The following TULP4 variants were observed in gnomAD, a reference collection of about 807,000 sequenced individuals.
TULP4 encodes the protein TUB like protein 4, also known as tubby-related protein 4.
Under a neutral mutation model 129.0 loss-of-function variants are expected in TULP4, and 16 were observed. The ratio of observed to expected loss-of-function variants is 0.12; its 90% CI spans 0.08 to 0.19. The LOEUF is 0.19. Among genes scored for constraint, TULP4 ranks in the 10% least tolerant of loss-of-function variants. The pLI is 1.00. For missense variants in TULP4, 1,842 were observed against 2,059.1 expected (o/e 0.89, Z 2.04); for synonymous variants, 998 against 854.0 (o/e 1.17, Z -2.94).
At chr6:158,457,516 G>T (rs1562574545) in intron 5 of TULP4, among the ~76,000 whole-genome samples, 4 of 152,134 alleles carry the variant, frequency 2.6e-5, no homozygotes, top group Admixed American at 2.6e-4. Flanking sequence ...CACGCAATAA[G>T]CAGGGAATTG....
chr6:158,506,547 T>C (rs1780608396), intron 13 of TULP4, 31 bp from the exon 14 acceptor site: 5 of 1,461,676 alleles, frequency 3.4e-6, no homozygotes, highest in Non-Finnish European at 4.8e-6. Context: ...CCTTATTCTT[T>C]AATGTCTTTG....
In TULP4 at chr6:158,276,856, G is replaced by C. The variant is rs576452377; in HGVS notation, n.69-35195G>C. ...ACCAAGGTATTATGGAAATAGAGAAGGCCTAACTTATTAGAACCCACATGT... is the reference window on the plus strand; with the variant it reads ...ACCAAGGTATTATGGAAATAGAGAACGCCTAACTTATTAGAACCCACATGT... On this transcript the variant is annotated intron_variant and non_coding_transcript_variant, in intron 1 of 1. Coordinates refer to the TULP4 transcript ENST00000620026. Among the ~76,000 whole-genome samples, 18 of 152,144 alleles carry C rather than the reference G, an allele frequency of 1.2e-4. No homozygotes were observed. In the East Asian group the frequency reaches 3.5e-3, roughly 29 times the overall value.
intron 1 of TULP4, among the ~76,000 whole-genome samples, chr6:158,358,513 A>G (rs553487130): frequency 1.4e-4 from 22 of 152,350 alleles, no homozygotes; most frequent in African/African-American, 4.1e-4. Flanking sequence ...AGGGTGAAGT[A>G]TTTCTCAGTG....
chr6:158,481,859 G>T (rs367877279), intron 8 of TULP4, among the ~76,000 whole-genome samples: 4 of 152,178 alleles, frequency 2.6e-5, no homozygotes, highest in African/African-American at 9.7e-5. Flanking sequence ...ATGTATTCAA[G>T]ATGCTCCCTG....
intron 1 of TULP4, among the ~76,000 whole-genome samples, chr6:158,238,964 T>C (rs1325527754): frequency 9.1e-4 from 129 of 141,044 alleles, no homozygotes; most frequent in African/African-American, 3.3e-3. Context: ...GACGGGGTGG[T>C]GGCCGGGCAG....
chr6:158,487,438 C>G lies in TULP4; in HGVS notation c.1487-2150C>G, dbSNP rs531598274. On this transcript the variant is annotated intron_variant, in intron 8 of 13. Transcript: ENST00000367097. ...CCAGCCTAGGCGACAGAGCGAGACT[C>G]CATCTCCCAAAAAAACCCACAAAGC... Among the ~76,000 whole-genome samples the G allele has an allele frequency of 2.0e-5, 3 of 152,246 alleles. No homozygotes were observed. In the South Asian group the frequency reaches 6.2e-4, roughly 32 times the overall value.
intron 1 of TULP4, among the ~76,000 whole-genome samples, chr6:158,302,611 GTGT>G (rs1364459946): frequency 4.6e-5 from 7 of 152,168 alleles, no homozygotes; most frequent in African/African-American, 7.2e-5. Context: ...ATCCAAACAG[GTGT>G]TTCAGATTTT....
At chr6:158,500,554 A>G (rs1292141022) in intron 12 of TULP4, among the ~76,000 whole-genome samples, 1 of 152,212 alleles carries the variant, frequency 6.6e-6, no homozygotes, top group African/African-American at 2.4e-5. Context: ...TCTAAGGGAA[A>G]AGCCACAGGG....
chr6:158,365,964 G>A lies in TULP4; in HGVS notation c.253-47101G>A, dbSNP rs551041395. On this transcript the variant is annotated intron_variant, in intron 1 of 13. Transcript: ENST00000367097. ...GTCGCCCAGTCTGGAGTGCAGTGGC[G>A]CCATCTCGGCTCACTGCAAGCTGCA... 6.9e-3 allele frequency among the ~76,000 whole-genome samples: 831 copies of A among 120,830 alleles called. 4 individuals are homozygous for A. Among genetic ancestry groups the A allele is most frequent in the African/African-American group, 0.016 (489 of 31,364 alleles). The allele number at this position is 120,830 out of a possible 152,430, so 79.3% of individuals were successfully genotyped here. A position where few individuals can be genotyped will look rare whatever the true frequency, so the allele number is the denominator to read the frequency against.
chr6:158,257,187 C>G (rs1249152499), intron 1 of TULP4, among the ~76,000 whole-genome samples: 1 of 152,060 alleles, frequency 6.6e-6, no homozygotes, highest in Non-Finnish European at 1.5e-5. Context: ...TGTTTGACAA[C>G]CCCTGCCCCC....
chr6:158,305,317 C>CTGTGCGTGTG (rs1779198858), intron 1 of TULP4, among the ~76,000 whole-genome samples: 1 of 115,902 alleles, frequency 8.6e-6, no homozygotes, highest in Non-Finnish European at 1.8e-5. Flanking sequence ...ATATTTCATT[C>CTGTGCGTGTG]TGTGTGCGTG....
At chr6:158,344,813 A>G (rs1162287272) in intron 1 of TULP4, among the ~76,000 whole-genome samples, 1 of 152,248 alleles carries the variant, frequency 6.6e-6, no homozygotes, top group African/African-American at 2.4e-5. Context: ...GCTAGAAATG[A>G]GTAACTCAAT....
intron 1 of TULP4, among the ~76,000 whole-genome samples, chr6:158,405,466 T>TG (rs1345083451): frequency 6.6e-6 from 1 of 152,186 alleles, no homozygotes; most frequent in Non-Finnish European, 1.5e-5. Context: ...GTTGAGAATG[T>TG]GGGGGTCAAA....
intron 1 of TULP4, among the ~76,000 whole-genome samples, chr6:158,351,779 C>T (rs751801955): frequency 4.7e-4 from 55 of 118,056 alleles, no homozygotes; most frequent in Non-Finnish European, 6.7e-4. Flanking sequence ...AGTGCAGTGG[C>T]GCCATCTCAG....
At chr6:158,441,414 A>G (rs1161735269) in intron 3 of TULP4, among the ~76,000 whole-genome samples, 2 of 152,166 alleles carry the variant, frequency 1.3e-5, no homozygotes, top group African/African-American at 2.4e-5. Context: ...TGTTAATGCA[A>G]CGTTAGATTT....
intron 1 of TULP4, among the ~76,000 whole-genome samples, chr6:158,367,287 G>A (rs938688939): frequency 1.3e-5 from 2 of 152,160 alleles, no homozygotes; most frequent in African/African-American, 4.8e-5. Context: ...TTTTAATGTG[G>A]CCCAGAGGGG....
Position 158,350,751 on chromosome 6 carries a change from GGA to G in TULP4, c.252+36487_252+36488del, listed in dbSNP as rs1357097866. Among the ~76,000 whole-genome samples the G allele has an allele frequency of 4.1e-5, 6 of 146,322 alleles. No homozygotes were observed. The East Asian group carries it at 1.2e-3, about 29-fold the overall frequency. On this transcript the variant is annotated intron_variant, in intron 1 of 13. Transcript: ENST00000367097. ...AAAGGAAGAGGGGAGAGGGGAGATG[GGA>G]GAGGGGAGAGCTTTTTTTTTTTTTT...
chr6:158,468,092 G>A (rs1477338386), intron 6 of TULP4, among the ~76,000 whole-genome samples: 1 of 152,196 alleles, frequency 6.6e-6, no homozygotes, highest in African/African-American at 2.4e-5. Context: ...CAGACTCCCT[G>A]CTGAGTCGTG....
upstream of TULP4, chr6:158,311,909 C>A: frequency 2.6e-6 from 1 of 387,620 alleles, no homozygotes; most frequent in Non-Finnish European, 4.5e-6. Flanking sequence ...TTGGATTTTA[C>A]CATTCAGTGC....
Sources: gnomAD v4.1 joint callset for allele counts (sites outside exome capture counted in the v4.1 genomes callset) on GRCh38, gnomAD v4.1.1 for gene constraint, MANE v1.5 for transcripts, NCBI Gene and HGNC (gene_info 2026-07-23, HGNC 2026-07-21) for gene names.